RIMS1: variants seen among roughly 807,000 people sequenced by gnomAD.
RIMS1 encodes the protein regulating synaptic membrane exocytosis protein 1.
RIMS1 carries 83 observed loss-of-function variants against 214.1 expected under a neutral mutation model. The observed-to-expected ratio is 0.39, with a 90% CI of 0.32 to 0.47. The LOEUF (loss-of-function observed/expected upper bound fraction) is 0.47. Ranked by LOEUF, RIMS1 falls within the 20% of genes least tolerant of loss-of-function variation. RIMS1 has a pLI of 0.99. For synonymous variants in RIMS1, 793 were observed against 786.8 expected (o/e 1.01, Z -0.13); for missense variants, 2,050 against 2,161.8 (o/e 0.95, Z 1.03).
chr6:72,233,592 G>T (rs1189062112), intron 6 of RIMS1, among the ~76,000 whole-genome samples, 181 bp from the exon 7 acceptor site: 1 of 151,546 alleles, frequency 6.6e-6, no homozygotes, highest in Non-Finnish European at 1.5e-5. Flanking sequence ...TGCATTTGTA[G>T]CATACGTTCA....
At chr6:72,362,046 T>C (rs1432701036) in intron 29 of RIMS1, among the ~76,000 whole-genome samples, 2 of 151,802 alleles carry the variant, frequency 1.3e-5, no homozygotes, top group Non-Finnish European at 2.9e-5. Flanking sequence ...AAATTAATGG[T>C]TTTATTTCCA....
chr6:72,179,402 T>G, intron 4 of RIMS1, 173 bp from the exon 5 acceptor site: 1 of 678,408 alleles, frequency 1.5e-6, no homozygotes, highest in Non-Finnish European at 2.6e-6. Context: ...AGTCCCTGTC[T>G]AGGCATTCAT....
intron 28 of RIMS1, among the ~76,000 whole-genome samples, chr6:72,325,492 CAG>C (rs1280794569): frequency 1.3e-5 from 2 of 150,974 alleles, no homozygotes; most frequent in Non-Finnish European, 3.0e-5. Context: ...ATGAATTTTG[CAG>C]AGTCACTGGG....
intron 2 of RIMS1, among the ~76,000 whole-genome samples, chr6:72,008,029 A>C (rs954426208): frequency 6.6e-6 from 1 of 152,164 alleles, no homozygotes; most frequent in Non-Finnish European, 1.5e-5. Flanking sequence ...TGTCAGATTC[A>C]CCAAAGTTGA....
chr6:72,281,071 A>G (rs539656425), intron 23 of RIMS1, among the ~76,000 whole-genome samples: 1 of 152,262 alleles, frequency 6.6e-6, no homozygotes, highest in East Asian at 1.9e-4. Context: ...AGCTGAGATT[A>G]CACCCAGTTC....
chr6:72,187,835 T>C (rs1324599873), intron 6 of RIMS1, among the ~76,000 whole-genome samples: 2 of 152,092 alleles, frequency 1.3e-5, no homozygotes, highest in East Asian at 1.9e-4. Context: ...TAGGGTTCTC[T>C]AGAGGGACAG....
chr6:72,387,177 A>G (rs550625565), intron 29 of RIMS1, among the ~76,000 whole-genome samples: 14 of 152,234 alleles, frequency 9.2e-5, no homozygotes, highest in African/African-American at 2.4e-5. Context: ...TGTAGGATAG[A>G]TGAATGAACA....
intron 4 of RIMS1, among the ~76,000 whole-genome samples, chr6:72,174,102 C>T (rs569062372): frequency 1.3e-5 from 2 of 152,282 alleles, no homozygotes; most frequent in African/African-American, 2.4e-5. Flanking sequence ...AAATCAACTC[C>T]GTTCTTGGTT....
At chr6:71,909,002 T>C (rs1189078776) in intron 1 of RIMS1, among the ~76,000 whole-genome samples, 1 of 152,200 alleles carries the variant, frequency 6.6e-6, no homozygotes, top group African/African-American at 2.4e-5. Context: ...TATTTTATTT[T>C]ATTTTGAGGC....
chr6:72,035,479 G>A (rs1045193854), intron 2 of RIMS1, among the ~76,000 whole-genome samples: 6 of 152,056 alleles, frequency 3.9e-5, no homozygotes, highest in African/African-American at 1.4e-4. Context: ...CTTTAATTTA[G>A]CAACAAAGAC....
chr6:72,260,035 C>A (rs1335160262), intron 18 of RIMS1, among the ~76,000 whole-genome samples: 1 of 152,054 alleles, frequency 6.6e-6, no homozygotes, highest in Non-Finnish European at 1.5e-5. Flanking sequence ...GGATGAAGAG[C>A]TGCTCTGAGG....
At chr6:72,183,861 A>G (rs1187315152) in intron 6 of RIMS1, among the ~76,000 whole-genome samples, 2 of 152,222 alleles carry the variant, frequency 1.3e-5, no homozygotes, top group Non-Finnish European at 2.9e-5. Flanking sequence ...TAAAATGTAC[A>G]TGAATCTATT....
At chr6:72,092,866 G>A (rs1169326848) in intron 2 of RIMS1, among the ~76,000 whole-genome samples, 2 of 152,204 alleles carry the variant, frequency 1.3e-5, no homozygotes, top group South Asian at 2.1e-4. Flanking sequence ...CCTCAGTGGA[G>A]AAGTCTCATC....
chr6:72,225,435 T>G (rs966082615), intron 6 of RIMS1, among the ~76,000 whole-genome samples: 2 of 152,176 alleles, frequency 1.3e-5, no homozygotes, highest in African/African-American at 4.8e-5. Context: ...TGATTTGACA[T>G]TCAGAATATT....
chr6:72,151,284 C>T lies in RIMS1; in HGVS notation c.472-28291C>T, dbSNP rs149755881. Among the ~76,000 whole-genome samples, 85 of 152,148 alleles carry T rather than the reference C, an allele frequency of 5.6e-4. 1 individual carries two copies. Among genetic ancestry groups the T allele is most frequent in the South Asian group, 1.5e-3 (7 of 4,822 alleles). On this transcript the variant is annotated intron_variant, in intron 4 of 33. Transcript: ENST00000521978. The stretch of plus-strand genomic sequence containing the variant: ...GTCTCGATCTCCTGACCTCGTGATC[C>T]GCCCGCCTCTGCCTCCCAAAGTGCT...
chr6:72,005,329 G>A (rs1222633024), intron 2 of RIMS1, among the ~76,000 whole-genome samples: 4 of 152,068 alleles, frequency 2.6e-5, no homozygotes, highest in African/African-American at 9.7e-5. Context: ...TGTTCTTTTG[G>A]CTTAGGATTG....
At position 72,159,158 on chromosome 6, in the gene RIMS1, G is replaced by C. The variant is rs1385291097; in HGVS notation, c.472-20417G>C. 2.1e-5 allele frequency among the ~76,000 whole-genome samples: 3 copies of C among 141,142 alleles called. No individual in the cohort carries two copies. The Admixed American group carries it at 2.2e-4, about 10-fold the overall frequency. The allele number at this position is 141,142 out of a possible 152,430, so 92.6% of individuals were successfully genotyped here. A position where few individuals can be genotyped will look rare whatever the true frequency, so the allele number is the denominator to read the frequency against. ...TTTCTCTGATGGCCAGTGATGTTGA[G>C]CATTTTTTCATGTGTCTTTTGGCTG... On this transcript the variant is annotated intron_variant, in intron 4 of 33. Coordinates refer to ENST00000521978, the MANE Select transcript of RIMS1 (RefSeq NM_014989.7).
At chr6:72,112,246 A>C (rs550348415) in intron 4 of RIMS1, among the ~76,000 whole-genome samples, 1 of 152,102 alleles carries the variant, frequency 6.6e-6, no homozygotes, top group East Asian at 1.9e-4. Context: ...ACTTTCGCCA[A>C]ACTGGTCCAA....
chr6:72,367,716 G>A (rs1396536504), intron 29 of RIMS1, among the ~76,000 whole-genome samples: 1 of 152,108 alleles, frequency 6.6e-6, no homozygotes, highest in Non-Finnish European at 1.5e-5. Context: ...AAACAGTGCT[G>A]TTCTCCAAAG....
Sources: allele counts gnomAD v4.1 joint callset (sites outside exome capture counted in the v4.1 genomes callset), GRCh38; gene constraint gnomAD v4.1.1; transcripts MANE v1.5; gene names NCBI Gene and HGNC (gene_info 2026-07-23, HGNC 2026-07-21).